Variants in NR5A2 observed in about 807,000 individuals in gnomAD.
The protein encoded by NR5A2 is CYP7A promoter-binding factor.
In NR5A2, 26 loss-of-function variants were observed where a neutral mutation model predicts 62.7. That is an observed-to-expected ratio of 0.41 (90% CI 0.30 to 0.58). The LOEUF is 0.58. NR5A2 is among the 20% of genes least tolerant of loss of function. The pLI is 0.22. For missense variants in NR5A2, 541 were observed against 669.1 expected, an observed-to-expected ratio of 0.81 and a Z score of 2.11; for synonymous variants, 246 against 241.7, an observed-to-expected ratio of 1.02 and a Z score of -0.16.
At chr1:200,168,275 A>G (rs977093795) in intron 7 of NR5A2, among the ~76,000 whole-genome samples, 1 of 151,376 alleles carries the variant, frequency 6.6e-6, no homozygotes, top group Non-Finnish European at 1.5e-5. Context: ...GCAGTGGCAC[A>G]ATTACAGCCT....
intron 5 of NR5A2, among the ~76,000 whole-genome samples, chr1:200,077,973 A>T (rs559011728): frequency 6.6e-6 from 1 of 152,286 alleles, no homozygotes; most frequent in African/African-American, 2.4e-5. Flanking sequence ...GAAATTTTGC[A>T]TGCAATCCCA....
intron 7 of NR5A2, among the ~76,000 whole-genome samples, chr1:200,172,679 T>C (rs976741334): frequency 2.6e-5 from 4 of 152,222 alleles, no homozygotes; most frequent in African/African-American, 9.6e-5. Context: ...ACAGCGAATG[T>C]ATGACAGCCC....
chr1:200,089,971 A>T (rs1270505980), intron 5 of NR5A2, among the ~76,000 whole-genome samples: 4 of 152,164 alleles, frequency 2.6e-5, no homozygotes, highest in African/African-American at 7.2e-5. Context: ...ACTAGTCTAA[A>T]TGTAGGCCTG....
In NR5A2 at chr1:200,120,975, T is replaced by C; in HGVS notation, c.1378+20T>C. ...GTTTAGGTAAGAAATCCTTTTCTCA[T>C]GCTGTGCTCAACCAACGATTGCTAA... On this transcript the variant is annotated intron_variant, in intron 7 of 7. Transcript: ENST00000367362. 1 of 1,613,572 alleles carries C rather than the reference T, an allele frequency of 6.2e-7. No individual in the cohort carries two copies. Among genetic ancestry groups the C allele is most frequent in the South Asian group, 1.1e-5 (1 of 90,994 alleles).
At chr1:200,037,424 G>T (rs1661832488) in intron 1 of NR5A2, among the ~76,000 whole-genome samples, 1 of 152,178 alleles carries the variant, frequency 6.6e-6, no homozygotes, top group Non-Finnish European at 1.5e-5. Context: ...TCTGGGAAAG[G>T]TGCTGTATCA....
At chr1:200,029,020 A>G (rs1168388344) in intron 1 of NR5A2, 1 of 439,716 alleles carries the variant, frequency 2.3e-6, no homozygotes, top group Admixed American at 2.4e-5. Context: ...ACACACAATC[A>G]ATTGTTCTGC....
At chr1:200,059,668 C>T (rs1308174053) in intron 5 of NR5A2, among the ~76,000 whole-genome samples, 1 of 152,180 alleles carries the variant, frequency 6.6e-6, no homozygotes, top group Non-Finnish European at 1.5e-5. Context: ...GAAAACATGA[C>T]TCATATGTGA....
chr1:200,046,087 A>G (rs1286783734), intron 4 of NR5A2, among the ~76,000 whole-genome samples: 3 of 152,210 alleles, frequency 2.0e-5, no homozygotes, highest in East Asian at 3.8e-4. Flanking sequence ...GGAGTTTCTC[A>G]TGTAGGATAT....
chr1:200,094,814 G>C (rs1417909592), intron 5 of NR5A2, among the ~76,000 whole-genome samples: 1 of 151,998 alleles, frequency 6.6e-6, no homozygotes, highest in East Asian at 1.9e-4. Flanking sequence ...TTACAGGCGT[G>C]AGCCACCGCG....
intron 7 of NR5A2, among the ~76,000 whole-genome samples, chr1:200,139,102 C>T (rs1667346256): frequency 6.6e-6 from 1 of 152,160 alleles, no homozygotes; most frequent in South Asian, 2.1e-4. Flanking sequence ...ATACAATTTT[C>T]TCCACAGAGG....
rs1200792438 is a variant in NR5A2 at position 200,050,742 on chromosome 1, A to C, written c.1110+1924A>C. ...CCCGTCTCTACTAAAAATACAAAAA[A>C]TTAGCCGGGCTTGGTGGCACATGCC... is the stretch of plus-strand genomic sequence containing the variant. On this transcript the variant is annotated intron_variant, in intron 5 of 7. Transcript: ENST00000367362. Among the ~76,000 whole-genome samples the C allele has an allele frequency of 2.6e-5, 4 of 152,166 alleles. No individual in the cohort carries two copies. In the East Asian group the frequency reaches 7.7e-4, roughly 29 times the overall value.
chr1:200,135,531 AAAAGAAG>A (rs780659731), intron 7 of NR5A2, among the ~76,000 whole-genome samples: 3 of 151,134 alleles, frequency 2.0e-5, no homozygotes, highest in African/African-American at 7.3e-5. Flanking sequence ...CAAAAAAAAA[AAAAGAAG>A]AAGAAGAAGA....
chr1:200,109,893 T>A (rs1164968191), intron 5 of NR5A2, among the ~76,000 whole-genome samples: 2 of 152,132 alleles, frequency 1.3e-5, no homozygotes, highest in Admixed American at 6.5e-5. Context: ...GCCTCCCAAG[T>A]AGCTGGGATT....
chr1:200,121,815 C>A (rs1346577882), intron 7 of NR5A2, among the ~76,000 whole-genome samples: 2 of 152,104 alleles, frequency 1.3e-5, no homozygotes, highest in East Asian at 1.9e-4. Context: ...TATGTTTTTT[C>A]TTTAGTCTTC....
chr1:200,066,588 C>T (rs886270819), intron 5 of NR5A2, among the ~76,000 whole-genome samples: 53 of 113,116 alleles, frequency 4.7e-4, no homozygotes, highest in African/African-American at 1.1e-3. Context: ...AATTAATTAT[C>T]TTTTTTTTTT....
At chr1:200,094,615 C>T (rs1664989229) in intron 5 of NR5A2, among the ~76,000 whole-genome samples, 1 of 137,154 alleles carries the variant, frequency 7.3e-6, no homozygotes, top group African/African-American at 2.8e-5. Flanking sequence ...TCACTGCAAG[C>T]TCTGCCTCCT....
At position 200,147,242 on chromosome 1, in the gene NR5A2, C is replaced by T. The variant is rs923454909; in HGVS notation, c.1378+26287C>T. Among the ~76,000 whole-genome samples, 1 of 152,204 alleles carries T rather than the reference C, an allele frequency of 6.6e-6. No homozygotes were observed. Among genetic ancestry groups the T allele is most frequent in the Non-Finnish European group, 1.5e-5 (1 of 68,036 alleles). ...TGAAGCCAGCGAGGCCGCTGCACCA[C>T]GTGGTGTCAGGAGACCTTAGCAATG... On this transcript the variant is annotated intron_variant, in intron 7 of 7. Coordinates refer to ENST00000367362, the MANE Select transcript of NR5A2 (RefSeq NM_205860.3). The surrounding 1 kb of genome is among the most constrained non-coding windows in gnomAD (Gnocchi z 4.9).
intron 7 of NR5A2, among the ~76,000 whole-genome samples, chr1:200,128,582 T>C (rs1666828937): frequency 6.6e-6 from 1 of 152,156 alleles, no homozygotes; most frequent in Non-Finnish European, 1.5e-5. Context: ...GGAAAAATAA[T>C]AACAAAACAA....
In NR5A2 at chr1:200,111,336, C is replaced by CTAA. The variant is rs1665937937; in HGVS notation, c.1230+15_1230+16insTAA. The CTAA allele has an allele frequency of 4.5e-5, 52 of 1,158,866 alleles. 1 individual carries two copies. The highest frequency in any genetic ancestry group is 3.3e-4 in the African/African-American group (19 of 57,254). 71.8% of individuals were successfully genotyped at this position (1,158,866 alleles called of 1,614,324 possible). ...CTGGGCAACAAGTGAGTGTAGAGAC[C>CTAA]AAAAAAAAAAAAAAAGCATCTTTTT... On this transcript the variant is annotated intron_variant, in intron 6 of 7. Coordinates refer to ENST00000367362, the MANE Select transcript of NR5A2 (RefSeq NM_205860.3).
Sources: gnomAD v4.1 joint callset for allele counts (sites outside exome capture counted in the v4.1 genomes callset) on GRCh38, gnomAD v4.1.1 for gene constraint, Gnocchi (gnomAD v3.1) non-coding constraint, MANE v1.5 for transcripts, NCBI Gene and HGNC (gene_info 2026-07-23, HGNC 2026-07-21) for gene names.